Variants in GKAP1 observed in about 807,000 individuals in gnomAD.
GKAP1 encodes the protein G kinase-anchoring protein 1.
GKAP1 carries 31 observed loss-of-function variants against 56.7 expected under a neutral mutation model. The observed-to-expected ratio is 0.55, with a 90% CI of 0.41 to 0.74. The LOEUF (loss-of-function observed/expected upper bound fraction) is 0.74. Ranked by LOEUF, GKAP1 falls within the 30% of genes least tolerant of loss-of-function variation. The pLI is 0.00. For missense variants in GKAP1, 364 were observed against 402.3 expected, an observed-to-expected ratio of 0.90 and a Z score of 0.82; for synonymous variants, 151 against 138.6, an observed-to-expected ratio of 1.09 and a Z score of -0.63.
intron 4 of GKAP1, among the ~76,000 whole-genome samples, chr9:83,794,948 G>A (rs763736964): frequency 5.9e-5 from 9 of 151,956 alleles, no homozygotes; most frequent in Admixed American, 3.9e-4. Flanking sequence ...CTGAGGTCAG[G>A]AGTTCGAGAC....
In GKAP1 at chr9:83,739,590, C is replaced by T. The variant is rs907464022; in HGVS notation, c.*107G>A. On this transcript the variant is annotated 3_prime_UTR_variant, in exon 13 of 13. Coordinates refer to ENST00000376371, the MANE Select transcript of GKAP1 (RefSeq NM_025211.4). ...TTAGGGAGCTAGTTGCTTTTAGTTC[C>T]TTCAAGAAAAACTGCATAGTTTAGC... 1 of 768,848 alleles carries T rather than the reference C, an allele frequency of 1.3e-6. No individual in the cohort carries two copies. The highest frequency in any genetic ancestry group is 1.7e-5 in the African/African-American group (1 of 57,172). 47.6% of individuals were successfully genotyped at this position (768,848 alleles called of 1,614,324 possible).
intron 10 of GKAP1, among the ~76,000 whole-genome samples, chr9:83,744,598 G>A (rs1301941654): frequency 6.6e-6 from 1 of 152,108 alleles, no homozygotes; most frequent in Non-Finnish European, 1.5e-5. Context: ...GTTTTTATTA[G>A]TTTCCCATCT....
At position 83,742,512 on chromosome 9, in the gene GKAP1, T is replaced by C. The variant is rs1943224330; in HGVS notation, c.975+18A>G. 6.4e-7 allele frequency: 1 copy of C among 1,567,300 alleles called. No individual in the cohort carries two copies. The highest frequency in any genetic ancestry group is 8.8e-7 in the Non-Finnish European group (1 of 1,142,652). ...ACAGCTTAAGAAAACCAGTCATGTA[T>C]GCTCCACAGTTCCTTACCTGAATAG... On this transcript the variant is annotated intron_variant, in intron 11 of 12. Coordinates refer to ENST00000376371, the MANE Select transcript of GKAP1 (RefSeq NM_025211.4).
At chr9:83,761,821 T>C (rs1943577018) in intron 8 of GKAP1, among the ~76,000 whole-genome samples, 1 of 152,214 alleles carries the variant, frequency 6.6e-6, no homozygotes, top group South Asian at 2.1e-4. Context: ...ATCATTTCAA[T>C]TGATGCTGAA....
chr9:83,805,575 AT>A (rs1437735756), intron 3 of GKAP1, among the ~76,000 whole-genome samples: 1 of 152,002 alleles, frequency 6.6e-6, no homozygotes, highest in African/African-American at 2.4e-5. Flanking sequence ...CTCATGGTTA[AT>A]TTTTTTTAAA....
At chr9:83,792,420 G>C (rs970768257) in intron 4 of GKAP1, among the ~76,000 whole-genome samples, 1 of 152,134 alleles carries the variant, frequency 6.6e-6, no homozygotes, top group African/African-American at 2.4e-5. Flanking sequence ...AGAAGAATGA[G>C]AACCTAGAAT....
At position 83,775,570 on chromosome 9, in the gene GKAP1, T is replaced by A. The variant is rs576119205; in HGVS notation, c.585+4812A>T. On this transcript the variant is annotated intron_variant, in intron 7 of 12. Coordinates refer to ENST00000376371, the MANE Select transcript of GKAP1 (RefSeq NM_025211.4). ...GCAGATGTTAAAAAGGAAAAAAAAA[T>A]TTTTTTTGAAAGAAAACAACTTGAG... Among the ~76,000 whole-genome samples, 34 of 151,426 alleles carry A rather than the reference T, an allele frequency of 2.2e-4. No homozygotes were observed. The East Asian group carries it at 2.3e-3, about 10-fold the overall frequency.
chr9:83,803,498 A>G (rs1025946749), intron 3 of GKAP1, among the ~76,000 whole-genome samples: 1 of 152,176 alleles, frequency 6.6e-6, no homozygotes, highest in African/African-American at 2.4e-5. Context: ...CGAGTGATCC[A>G]CCAGCCTCGG....
intron 8 of GKAP1, among the ~76,000 whole-genome samples, chr9:83,765,400 G>T (rs116804790): frequency 6.6e-6 from 1 of 152,236 alleles, no homozygotes; most frequent in African/African-American, 2.4e-5. Flanking sequence ...GTGTGGAAGG[G>T]AAATGTGGGG....
rs1210303436 is a variant in GKAP1 at position 83,804,347 on chromosome 9, G to C, written c.216+1955C>G. On this transcript the variant is annotated intron_variant, in intron 3 of 12. Transcript: ENST00000376371. ...CAGCCGCCCCATCCGGGAGGGAGGT[G>C]GGGGGGTCAGCCCCCCGCCCGGCCA... Among the ~76,000 whole-genome samples, 5 of 130,748 alleles carry C rather than the reference G, an allele frequency of 3.8e-5. No individual in the cohort carries two copies. In the East Asian group the frequency reaches 7.4e-4, roughly 19 times the overall value. The allele number at this position is 130,748 out of a possible 152,430, so 85.8% of individuals were successfully genotyped here.
chr9:83,784,398 C>T (rs1236985631), intron 6 of GKAP1, among the ~76,000 whole-genome samples: 1 of 152,196 alleles, frequency 6.6e-6, no homozygotes, highest in Non-Finnish European at 1.5e-5. Flanking sequence ...GCAAATTTGG[C>T]CCCCTTTTGC....
At chr9:83,753,079 A>ATAAATAAAT (rs141957346) in intron 9 of GKAP1, among the ~76,000 whole-genome samples, 179 bp downstream of exon 9, 1 of 144,060 alleles carries the variant, frequency 6.9e-6, no homozygotes, top group African/African-American at 2.6e-5. Context: ...CAACAACAAC[A>ATAAATAAAT]ACATAAATAA....
chr9:83,767,026 A>G (rs1442792600), intron 8 of GKAP1, among the ~76,000 whole-genome samples: 1 of 152,208 alleles, frequency 6.6e-6, no homozygotes, highest in Admixed American at 6.5e-5. Context: ...ATTGGAGGTC[A>G]ATATAGGGTC....
chr9:83,777,855 T>C (rs1410924507), intron 7 of GKAP1, among the ~76,000 whole-genome samples: 2 of 152,192 alleles, frequency 1.3e-5, no homozygotes, highest in African/African-American at 4.8e-5. Context: ...TTCTTTAGGC[T>C]TTTTTGGATT....
intron 8 of GKAP1, among the ~76,000 whole-genome samples, chr9:83,757,360 T>C (rs748396851): frequency 6.6e-6 from 1 of 152,188 alleles, no homozygotes; most frequent in African/African-American, 2.4e-5. Flanking sequence ...TTCAAACTTA[T>C]TTGACAGTGA....
chr9:83,804,055 G>A (rs1159122287), intron 3 of GKAP1, among the ~76,000 whole-genome samples: 7 of 150,696 alleles, frequency 4.6e-5, no homozygotes, highest in South Asian at 2.1e-4. Context: ...CCCTCTGCCC[G>A]GCAGCCACCC....
At chr9:83,815,533 A>G (rs145532882) in intron 2 of GKAP1, among the ~76,000 whole-genome samples, 179 of 152,184 alleles carry the variant, frequency 1.2e-3, no homozygotes, top group African/African-American at 4.0e-3. Flanking sequence ...AGCAGCAGCC[A>G]TATCTCAGTC....
Position 83,799,344 on chromosome 9 carries a change from A to G in GKAP1, c.217-16T>C. 6.5e-7 allele frequency: 1 copy of G among 1,534,502 alleles called. No individual in the cohort carries two copies. Among genetic ancestry groups the G allele is most frequent in the Non-Finnish European group, 8.8e-7 (1 of 1,138,078 alleles). ...GATTCCTGAGCTATAAAACAAACAA[A>G]AAATATATTAAATTCAGTTTACCAA... On this transcript the variant is annotated splice_polypyrimidine_tract_variant and intron_variant, in intron 3 of 12. Transcript: ENST00000376371.
intron 6 of GKAP1, among the ~76,000 whole-genome samples, chr9:83,784,205 TAC>T (rs1240174555): frequency 6.6e-6 from 1 of 151,540 alleles, no homozygotes; most frequent in African/African-American, 2.4e-5. Flanking sequence ...AGGCGGAGGT[TAC>T]AGTGAGCCAT....
Sources: gnomAD v4.1 joint callset for allele counts (sites outside exome capture counted in the v4.1 genomes callset) on GRCh38, gnomAD v4.1.1 for gene constraint, MANE v1.5 for transcripts, NCBI Gene and HGNC (gene_info 2026-07-23, HGNC 2026-07-21) for gene names.